The following ANKHD1 variants were observed in gnomAD, a reference collection of about 807,000 sequenced individuals.
ANKHD1 encodes the protein ankyrin repeat and KH domain-containing protein 1.
ANKHD1 carries 31 observed loss-of-function variants against 230.5 expected under a neutral mutation model. That is an observed-to-expected ratio of 0.13 (90% CI 0.10 to 0.18). ANKHD1 has a LOEUF of 0.18. ANKHD1 is among the 10% of genes least tolerant of loss of function. ANKHD1 has a pLI of 1.00. For missense variants in ANKHD1, 2,256 were observed against 3,071.3 expected (o/e 0.73, Z 6.27); for synonymous variants, 1,074 against 1,117.6 (o/e 0.96, Z 0.78).
At chr5:140,419,784 TTCTTTCTTTCTTTCTTTCTTTC>T (rs1209813683) in intron 1 of ANKHD1, among the ~76,000 whole-genome samples, 2 of 68,606 alleles carry the variant, frequency 2.9e-5, no homozygotes, top group African/African-American at 1.1e-4. Context: ...TTTTCTTTCT[TTCTTTCTTTCTTTCTTTCTTTC>T]TTTCTTTCTT....
At chr5:140,411,993 G>C (rs1228896110) in intron 1 of ANKHD1, among the ~76,000 whole-genome samples, 1 of 151,436 alleles carries the variant, frequency 6.6e-6, no homozygotes, top group Non-Finnish European at 1.5e-5. Context: ...CAAGTGTCTG[G>C]GACCACAGGC....
chr5:140,463,759 A>G (rs529120246), intron 9 of ANKHD1, among the ~76,000 whole-genome samples: 1 of 152,072 alleles, frequency 6.6e-6, no homozygotes, highest in Non-Finnish European at 1.5e-5. Context: ...GGGCTCAAGC[A>G]ATTCTCCCAT....
chr5:140,504,369 A>ACACAGG (rs1752455713), intron 15 of ANKHD1, among the ~76,000 whole-genome samples: 1 of 152,172 alleles, frequency 6.6e-6, no homozygotes, highest in South Asian at 2.1e-4. Context: ...TTTGAATTGT[A>ACACAGG]CACAGGATAT....
At chr5:140,429,676 TAAC>T (rs1561708406) in intron 1 of ANKHD1, among the ~76,000 whole-genome samples, 2 of 151,916 alleles carry the variant, frequency 1.3e-5, no homozygotes, top group South Asian at 2.1e-4. Context: ...TTACTATTAA[TAAC>T]ATTTTCTGTG....
chr5:140,478,309 A>G (rs1324311152), intron 10 of ANKHD1, among the ~76,000 whole-genome samples: 5 of 151,800 alleles, frequency 3.3e-5, no homozygotes, highest in African/African-American at 1.2e-4. Flanking sequence ...CTGGTTTTTA[A>G]AAAAAGACTA....
At chr5:140,492,226 T>A (rs1364194929) in intron 14 of ANKHD1, among the ~76,000 whole-genome samples, 1 of 152,180 alleles carries the variant, frequency 6.6e-6, no homozygotes, top group Admixed American at 6.5e-5. Context: ...ATATAATCAT[T>A]CTTATATGGA....
chr5:140,423,636 C>G (rs922235543), intron 1 of ANKHD1, among the ~76,000 whole-genome samples: 16 of 152,208 alleles, frequency 1.1e-4, no homozygotes, highest in African/African-American at 3.6e-4. Flanking sequence ...TGTGGCTTCC[C>G]TTTCACTTCT....
intron 14 of ANKHD1, among the ~76,000 whole-genome samples, chr5:140,491,289 A>G (rs1751794714): frequency 1.3e-5 from 2 of 148,232 alleles, no homozygotes; most frequent in Non-Finnish European, 3.0e-5. Context: ...TCAGCCCTGC[A>G]GGTAGCTGGG....
At chr5:140,537,943 T>C (rs967854300) in intron 31 of ANKHD1, 143 bp from the exon 32 acceptor site, 2 of 1,336,174 alleles carry the variant, frequency 1.5e-6, no homozygotes, top group African/African-American at 1.5e-5. Flanking sequence ...TTTTTTTGGC[T>C]AGCAAGACTG....
rs576664198 is a variant in ANKHD1 at position 140,534,324 on chromosome 5, G to A, written c.6851-1038G>A. On this transcript the variant is annotated intron_variant, in intron 29 of 33. Coordinates refer to ENST00000360839, the MANE Select transcript of ANKHD1 (RefSeq NM_017747.3). Reference sequence around the variant, plus strand: ...GAAGAATGGCATGAACCCGGGAGGCGGAGCTTGCAGTGAGCTGAGATCGTG... The same window carrying A: ...GAAGAATGGCATGAACCCGGGAGGCAGAGCTTGCAGTGAGCTGAGATCGTG... Among the ~76,000 whole-genome samples, 7 of 151,990 alleles carry A rather than the reference G, an allele frequency of 4.6e-5. No individual in the cohort carries two copies. The South Asian group carries it at 8.3e-4, about 18-fold the overall frequency.
At position 140,401,917 on chromosome 5, in the gene ANKHD1, C is replaced by G. The variant is rs1769975352; in HGVS notation, c.-51C>G. 1 of 1,521,260 alleles carries G rather than the reference C, an allele frequency of 6.6e-7. No individual in the cohort carries two copies. The highest frequency in any genetic ancestry group is 8.7e-7 in the Non-Finnish European group (1 of 1,143,092). 94.2% of individuals were successfully genotyped at this position (1,521,260 alleles called of 1,614,324 possible). On this transcript the variant is annotated 5_prime_UTR_variant, in exon 1 of 34. Coordinates refer to ENST00000360839, the MANE Select transcript of ANKHD1 (RefSeq NM_017747.3). ...CTCTTCTCGTTCCCGAGATCAGCGG[C>G]GGCGGTGACCGCGAGTGGGTCGGCA... is the stretch of plus-strand genomic sequence containing the variant.
intron 5 of ANKHD1, among the ~76,000 whole-genome samples, chr5:140,444,088 C>CT (rs907187189): frequency 1.4e-5 from 2 of 145,312 alleles, no homozygotes; most frequent in African/African-American, 5.0e-5. Flanking sequence ...GTCCCCCCCC[C>CT]CCTTTTTTTT....
At chr5:140,433,883 CTTAATT>C (rs1326175451) in intron 1 of ANKHD1, among the ~76,000 whole-genome samples, 1 of 152,100 alleles carries the variant, frequency 6.6e-6, no homozygotes, top group African/African-American at 2.4e-5. Flanking sequence ...GCAAATATCT[CTTAATT>C]TCTTGGCCTT....
At chr5:140,464,245 A>C (rs1233444797) in intron 9 of ANKHD1, among the ~76,000 whole-genome samples, 2 of 151,980 alleles carry the variant, frequency 1.3e-5, no homozygotes, top group South Asian at 2.1e-4. Flanking sequence ...AAAAAAAAAA[A>C]AACTTATATC....
chr5:140,486,079 T>C, intron 13 of ANKHD1: 1 of 248,022 alleles, frequency 4.0e-6, no homozygotes, highest in South Asian at 4.8e-5. Flanking sequence ...TTGTTTTTTT[T>C]TTTGAGATGG....
intron 15 of ANKHD1, among the ~76,000 whole-genome samples, chr5:140,503,061 A>G (rs12516113): frequency 0.031 from 4,742 of 152,274 alleles, 98 homozygotes; most frequent in Middle Eastern, 0.082. Context: ...AAACTGAGTC[A>G]TTCACACTTA....
chr5:140,465,830 G>A (rs777713553), intron 10 of ANKHD1, among the ~76,000 whole-genome samples: 1 of 152,044 alleles, frequency 6.6e-6, no homozygotes, highest in Non-Finnish European at 1.5e-5. Flanking sequence ...TTTTGTCTGA[G>A]AATTGTGACA....
intron 2 of ANKHD1, 41 bp from the exon 3 acceptor site, chr5:140,438,420 T>G (rs745441250): frequency 6.7e-7 from 1 of 1,483,640 alleles, no homozygotes; most frequent in South Asian, 1.4e-5. Context: ...ACTTTTTTTT[T>G]TGTTGTTCTG....
chr5:140,470,852 G>A (rs775550360), intron 10 of ANKHD1, among the ~76,000 whole-genome samples: 4 of 151,634 alleles, frequency 2.6e-5, no homozygotes, highest in Non-Finnish European at 4.4e-5. Context: ...GTCCTGAACC[G>A]CTGGGCTCAA....
Sources: gnomAD v4.1 joint callset for allele counts (sites outside exome capture counted in the v4.1 genomes callset) on GRCh38, gnomAD v4.1.1 for gene constraint, MANE v1.5 for transcripts, NCBI Gene and HGNC (gene_info 2026-07-23, HGNC 2026-07-21) for gene names.